MCCC2: variants seen among roughly 807,000 people sequenced by gnomAD.
The protein encoded by MCCC2 is methylcrotonoyl-CoA carboxylase beta chain, mitochondrial.
In MCCC2, 52 loss-of-function variants were observed where a neutral mutation model predicts 77.2. That is an observed-to-expected ratio of 0.67 (90% CI 0.54 to 0.85). The LOEUF (loss-of-function observed/expected upper bound fraction) is 0.85, where lower values mean the gene tolerates loss of function less well. Ranked by LOEUF, MCCC2 falls within the 40% of genes least tolerant of loss-of-function variation. The pLI is 0.00. For missense variants in MCCC2, 682 were observed against 703.2 expected (o/e 0.97, Z 0.34); for synonymous variants, 253 against 248.4 (o/e 1.02, Z -0.18).
At position 71,631,975 on chromosome 5, in the gene MCCC2, G is replaced by A. The variant is rs550735880; in HGVS notation, c.739-146G>A. On this transcript the variant is annotated intron_variant, in intron 7 of 16. Coordinates refer to ENST00000340941, the MANE Select transcript of MCCC2 (RefSeq NM_022132.5). ...AAGATAATAGTCTCCAGGTTTCCTA[G>A]GTGCATGAATGAGAAAGCACAGTGT... The A allele has an allele frequency of 7.9e-5, 60 of 763,084 alleles. No homozygotes were observed. The South Asian group carries it at 8.6e-4, about 11-fold the overall frequency. The allele number at this position is 763,084 out of a possible 1,614,324, so 47.3% of individuals were successfully genotyped here.
Position 71,620,224 on chromosome 5 carries a change from G to A in MCCC2, c.625-6416G>A, listed in dbSNP as rs968151410. Among the ~76,000 whole-genome samples the A allele has an allele frequency of 3.3e-5, 5 of 152,068 alleles. No homozygotes were observed. The East Asian group carries it at 5.8e-4, about 18-fold the overall frequency. ...TTGATCAGTCAGTATAGTTGATAAC[G>A]TTCTTAAATTCTTGACAGCTATTGA... On this transcript the variant is annotated intron_variant, in intron 6 of 16. Coordinates refer to ENST00000340941, the MANE Select transcript of MCCC2 (RefSeq NM_022132.5).
At chr5:71,652,621 G>A in intron 15 of MCCC2, 48 bp from the exon 16 acceptor site, 1 of 1,410,010 alleles carries the variant, frequency 7.1e-7, no homozygotes, top group Non-Finnish European at 1.0e-6. Flanking sequence ...TCTAAACAGG[G>A]CCAGTTGTTC....
At chr5:71,617,382 C>G (rs1314606922) in intron 6 of MCCC2, among the ~76,000 whole-genome samples, 1 of 152,216 alleles carries the variant, frequency 6.6e-6, no homozygotes. Context: ...GCATTTATCC[C>G]TTTAATCTAG....
chr5:71,652,510 C>T (rs991831336), intron 15 of MCCC2, among the ~76,000 whole-genome samples, 159 bp from the exon 16 acceptor site: 2 of 152,120 alleles, frequency 1.3e-5, no homozygotes, highest in African/African-American at 4.8e-5. Flanking sequence ...CATGTCTTAG[C>T]GTGTATGTTA....
intron 16 of MCCC2, among the ~76,000 whole-genome samples, chr5:71,655,841 A>G (rs1302975742): frequency 6.6e-6 from 1 of 152,232 alleles, no homozygotes; most frequent in Non-Finnish European, 1.5e-5. Flanking sequence ...TTCTTCTGCA[A>G]GCAGTTTAAA....
At chr5:71,591,579 G>C (rs991583673) in intron 1 of MCCC2, among the ~76,000 whole-genome samples, 4 of 151,882 alleles carry the variant, frequency 2.6e-5, no homozygotes, top group African/African-American at 9.7e-5. Flanking sequence ...TGGGATTACA[G>C]GCAAGCACCA....
intron 6 of MCCC2, among the ~76,000 whole-genome samples, chr5:71,612,030 TGCCGACCTCGTGATCC>T (rs1156279694): frequency 9.2e-5 from 14 of 151,678 alleles, no homozygotes; most frequent in Non-Finnish European, 1.6e-4. Flanking sequence ...CCTCGTGATC[TGCCGACCTCGTGATCC>T]GCCCGCCTCG....
At chr5:71,649,476 A>G (rs1335084842) in intron 14 of MCCC2, among the ~76,000 whole-genome samples, 1 of 152,216 alleles carries the variant, frequency 6.6e-6, no homozygotes, top group Admixed American at 6.5e-5. Flanking sequence ...AATGGCTGAT[A>G]ATGAAAATGC....
At position 71,650,526 on chromosome 5, in the gene MCCC2, G is replaced by A. The variant is rs1416117523; in HGVS notation, c.1488+343G>A. Among the ~76,000 whole-genome samples the A allele has an allele frequency of 2.6e-5, 4 of 151,960 alleles. No homozygotes were observed. The South Asian group carries it at 6.2e-4, about 24-fold the overall frequency. On this transcript the variant is annotated intron_variant, in intron 15 of 16. Transcript: ENST00000340941. ...GTCACCCAGGCTGGAGTGGAGTGCCGCAATCTCGGTTCACTGCAGCCTCCA... is the reference window on the plus strand; with the variant it reads ...GTCACCCAGGCTGGAGTGGAGTGCCACAATCTCGGTTCACTGCAGCCTCCA...
At chr5:71,637,895 G>C (rs1434072530) in intron 10 of MCCC2, among the ~76,000 whole-genome samples, 1 of 151,962 alleles carries the variant, frequency 6.6e-6, no homozygotes, top group East Asian at 1.9e-4. Context: ...TGTATTTTTA[G>C]TAGAGACGGG....
chr5:71,596,811 G>A (rs144229539), intron 3 of MCCC2, among the ~76,000 whole-genome samples: 234 of 152,126 alleles, frequency 1.5e-3, no homozygotes, highest in African/African-American at 5.3e-3. Context: ...ATGGTGGCAT[G>A]TGCTTGTAGT....
intron 11 of MCCC2, chr5:71,641,322 A>G (rs1208547885): frequency 2.1e-6 from 1 of 483,252 alleles, no homozygotes; most frequent in Non-Finnish European, 3.7e-6. Flanking sequence ...TGACTTTGTG[A>G]CATTAGTTGT....
intron 3 of MCCC2, among the ~76,000 whole-genome samples, chr5:71,598,554 C>G (rs1745285027): frequency 6.6e-6 from 1 of 151,844 alleles, no homozygotes; most frequent in African/African-American, 2.4e-5. Flanking sequence ...ATTCTCCTGC[C>G]TCAGCCTCCC....
intron 11 of MCCC2, among the ~76,000 whole-genome samples, chr5:71,643,386 C>CA (rs989672285): frequency 1.3e-5 from 2 of 150,656 alleles, no homozygotes; most frequent in Non-Finnish European, 3.0e-5. Flanking sequence ...GACCTTGTCT[C>CA]AAAAAAAAAT....
At chr5:71,615,903 A>T (rs537308313) in intron 6 of MCCC2, among the ~76,000 whole-genome samples, 3 of 152,154 alleles carry the variant, frequency 2.0e-5, no homozygotes, top group Non-Finnish European at 4.4e-5. Flanking sequence ...GGGCTCCTGG[A>T]TGGTGCTGGT....
chr5:71,596,439 G>T lies in MCCC2; in HGVS notation c.281+75G>T, dbSNP rs1745191346. Reference sequence around the variant, plus strand: ...CTTTATTAGACAGTCTTGTAAATCAGTTATTTTGAATTCTAGTTCTCATCG... The same window carrying T: ...CTTTATTAGACAGTCTTGTAAATCATTTATTTTGAATTCTAGTTCTCATCG... On this transcript the variant is annotated intron_variant, in intron 3 of 16. Transcript: ENST00000340941. 4 of 1,300,804 alleles carry T rather than the reference G, an allele frequency of 3.1e-6. 1 individual carries two copies. The South Asian group carries it at 3.5e-5, about 12-fold the overall frequency. The allele number at this position is 1,300,804 out of a possible 1,614,324, so 80.6% of individuals were successfully genotyped here. A position where few individuals can be genotyped will look rare whatever the true frequency, so the allele number is the denominator to read the frequency against.
At chr5:71,635,313 C>T (rs1290238241) in intron 10 of MCCC2, 67 bp downstream of exon 10, 1 of 1,403,670 alleles carries the variant, frequency 7.1e-7, no homozygotes, top group Admixed American at 1.7e-5. Flanking sequence ...TATCTATTTG[C>T]AAAGCTAAAG....
At position 71,656,918 on chromosome 5, in the gene MCCC2, C is replaced by G. The variant is rs1747596939; in HGVS notation, c.*58C>G. 2.2e-6 allele frequency: 3 copies of G among 1,363,034 alleles called. No individual in the cohort carries two copies. Among genetic ancestry groups the G allele is most frequent in the East Asian group, 4.6e-5 (2 of 43,530 alleles). The allele number at this position is 1,363,034 out of a possible 1,614,324, so 84.4% of individuals were successfully genotyped here. ...ACTGAAAATTAACACATGTAGTAGCCTTAAAATTTTAGACTTCTCGAACAT... is the reference window on the plus strand; with the variant it reads ...ACTGAAAATTAACACATGTAGTAGCGTTAAAATTTTAGACTTCTCGAACAT... On this transcript the variant is annotated 3_prime_UTR_variant, in exon 17 of 17. Transcript: ENST00000340941.
At position 71,630,350 on chromosome 5, in the gene MCCC2, T is replaced by G. The variant is rs185181189; in HGVS notation, c.739-1771T>G. ...TTTGTTCTCCTGTCTTTTGTTTATC[T>G]TTTGAACTTGTCATTTAGTCAAATG... On this transcript the variant is annotated intron_variant, in intron 7 of 16. Coordinates refer to ENST00000340941, the MANE Select transcript of MCCC2 (RefSeq NM_022132.5). Among the ~76,000 whole-genome samples the G allele has an allele frequency of 3.9e-4, 59 of 152,358 alleles. 1 individual carries two copies. The highest frequency in any genetic ancestry group is 1.3e-3 in the African/African-American group (54 of 41,578).
Sources: gnomAD v4.1 joint callset for allele counts (sites outside exome capture counted in the v4.1 genomes callset) on GRCh38, gnomAD v4.1.1 for gene constraint, MANE v1.5 for transcripts, NCBI Gene and HGNC (gene_info 2026-07-23, HGNC 2026-07-21) for gene names.